MAP2K2: variants seen among roughly 807,000 people sequenced by gnomAD.
MAP2K2 encodes mitogen-activated protein kinase kinase 2, also known as dual specificity mitogen-activated protein kinase kinase 2.
MAP2K2 carries 24 observed loss-of-function variants against 43.7 expected under a neutral mutation model. The observed-to-expected ratio is 0.55, with a 90% confidence interval of 0.40 to 0.77. The LOEUF (loss-of-function observed/expected upper bound fraction) is 0.77, where lower values mean the gene tolerates loss of function less well. MAP2K2 is among the 30% of genes least tolerant of loss of function. The pLI is 0.00. For missense variants in MAP2K2, 470 were observed against 566.8 expected (o/e 0.83, Z 1.73); for synonymous variants, 244 against 239.7 (o/e 1.02, Z -0.17).
At position 4,090,334 on chromosome 19, in the gene MAP2K2, TC is replaced by T. The variant is rs2040842602; in HGVS notation, c.*263del. 3.4e-6 allele frequency: 2 copies of T among 583,116 alleles called. No homozygotes were observed. Among genetic ancestry groups the T allele is most frequent in the Non-Finnish European group, 6.1e-6 (2 of 325,330 alleles). 36.1% of individuals were successfully genotyped at this position (583,116 alleles called of 1,614,324 possible). ...AGGATGGCGCGGTTTGCTTTTTCTC[TC>T]CCTGTTTTGTTTTGTAACCTAAGGA... On this transcript the variant is annotated 3_prime_UTR_variant, in exon 11 of 11. Coordinates refer to ENST00000262948, the MANE Select transcript of MAP2K2 (RefSeq NM_030662.4).
At chr19:4,100,667 T>G in intron 6 of MAP2K2, 2 of 324,704 alleles carry the variant, frequency 6.2e-6, no homozygotes, top group Admixed American at 4.5e-5. Flanking sequence ...GATTAGTAAA[T>G]TAACAAATAA....
In MAP2K2 at chr19:4,117,403, AC is replaced by A. The variant is rs758256765; in HGVS notation, c.303+15del. ...TCCCCACCACTCCCCGACCTCCCCGACCCCGCAGTGCTCACCTTCCTGGCCA... is the reference window on the plus strand; with the variant it reads ...TCCCCACCACTCCCCGACCTCCCCGACCCGCAGTGCTCACCTTCCTGGCCA... On this transcript the variant is annotated intron_variant, in intron 2 of 10. Coordinates refer to ENST00000262948, the MANE Select transcript of MAP2K2 (RefSeq NM_030662.4). 4.4e-6 allele frequency: 7 copies of A among 1,608,212 alleles called. No homozygotes were observed. The Admixed American group carries it at 5.0e-5, about 12-fold the overall frequency.
At position 4,101,793 on chromosome 19, in the gene MAP2K2, A is replaced by G. The variant is rs1273225009; in HGVS notation, c.529-513T>C. On this transcript the variant is annotated intron_variant, in intron 4 of 10. Transcript: ENST00000262948. This position sits in a 1 kb window ranked among gnomAD's most constrained non-coding sequence, Gnocchi z 6.3. Reference sequence around the variant, plus strand: ...GTGTGACGGCAGCTTTCAACTCGGAAACGCGTGTCTGGCAGCATGCGTCCT... The same window carrying G: ...GTGTGACGGCAGCTTTCAACTCGGAGACGCGTGTCTGGCAGCATGCGTCCT... 1.3e-5 allele frequency among the ~76,000 whole-genome samples: 2 copies of G among 152,156 alleles called. No homozygotes were observed. The highest frequency in any genetic ancestry group is 2.9e-5 in the Non-Finnish European group (2 of 68,018).
chr19:4,110,755 G>A (rs2041144601), intron 2 of MAP2K2, 100 bp from the exon 3 acceptor site: 7 of 1,307,124 alleles, frequency 5.4e-6, no homozygotes, highest in Non-Finnish European at 7.4e-6. Context: ...CAGTGGTCAA[G>A]ACCAACTCAG....
At chr19:4,102,323 G>C (rs770226261) in intron 4 of MAP2K2, 53 bp downstream of exon 4, 21 of 1,452,074 alleles carry the variant, frequency 1.4e-5, no homozygotes, top group Non-Finnish European at 1.9e-5. Context: ...CCGTGTGGAA[G>C]AGGTCCGTGC....
chr19:4,099,393 G>T lies in MAP2K2; in HGVS notation c.727C>A (p.His243Asn). Residue 243 changes from histidine (H) to asparagine (N), a missense_variant, in exon 7 of 11, where the codon CAT (histidine) becomes AAT (asparagine). Physicochemically the swap from His to Asn is moderately conservative, Grantham distance 68 (BLOSUM62 1). This residue lies in a region of MAP2K2 where 200 missense variants were observed against 297.9 expected (regional missense o/e 0.67). Coordinates refer to ENST00000262948, the MANE Select transcript of MAP2K2 (RefSeq NM_030662.4). Reference sequence around the variant, plus strand: ...CAGATGTCCGACTGCACCGAGTAATGTGTGCCCTGCAACCGCTCCGGCTGC... The same window carrying T: ...CAGATGTCCGACTGCACCGAGTAATTTGTGCCCTGCAACCGCTCCGGCTGC... The part of the protein sequence containing the change: ...YMAPERLQGT[H>N]YSVQSDIWSM... 1 of 1,610,664 alleles carries T rather than the reference G, an allele frequency of 6.2e-7. No individual in the cohort carries two copies. Among genetic ancestry groups the T allele is most frequent in the South Asian group, 1.1e-5 (1 of 90,680 alleles).
intron 1 of MAP2K2, among the ~76,000 whole-genome samples, chr19:4,121,505 T>C (rs1316292003): frequency 6.7e-6 from 1 of 149,462 alleles, no homozygotes; most frequent in African/African-American, 2.5e-5. Context: ...GACCCCATCC[T>C]GACCCCCTCA....
At chr19:4,096,937 G>A (rs2040926591) in intron 8 of MAP2K2, among the ~76,000 whole-genome samples, 1 of 151,852 alleles carries the variant, frequency 6.6e-6, no homozygotes, top group Non-Finnish European at 1.5e-5. Context: ...CGACACACGT[G>A]GAATTGGTTC....
intron 1 of MAP2K2, among the ~76,000 whole-genome samples, chr19:4,121,131 G>C (rs1038320994): frequency 1.1e-3 from 171 of 151,532 alleles, no homozygotes; most frequent in African/African-American, 3.9e-3. Context: ...ACCAGTGTGT[G>C]CCCCCAACAC....
intron 10 of MAP2K2, among the ~76,000 whole-genome samples, chr19:4,093,096 C>A (rs1000741356): frequency 6.6e-6 from 1 of 152,146 alleles, no homozygotes; most frequent in African/African-American, 2.4e-5. Context: ...GTAATCCCAG[C>A]TACTTAGGAG....
intron 7 of MAP2K2, 58 bp from the exon 8 acceptor site, chr19:4,097,401 G>GA: frequency 7.2e-7 from 1 of 1,384,342 alleles, no homozygotes; most frequent in Non-Finnish European, 1.0e-6. Flanking sequence ...CTTCTGCTGG[G>GA]GGTTGGGCTC....
chr19:4,099,588 C>A (rs542088632), intron 6 of MAP2K2, 174 bp from the exon 7 acceptor site: 10 of 621,524 alleles, frequency 1.6e-5, no homozygotes, highest in Non-Finnish European at 2.3e-5. Context: ...GGCCTCCCTG[C>A]GGCACTTGCT....
In MAP2K2 at chr19:4,090,583, G is replaced by A. The variant is rs1261127818; in HGVS notation, c.*15C>T. On this transcript the variant is annotated 3_prime_UTR_variant, in exon 11 of 11. Transcript: ENST00000262948. ...TGGGCAGGTCACCAGCGGGACGCAG[G>A]GAGCCCGGCCACTGTCACACGGCGG... 20 of 1,546,132 alleles carry A rather than the reference G, an allele frequency of 1.3e-5. No homozygotes were observed. The highest frequency in any genetic ancestry group is 1.7e-5 in the Non-Finnish European group (19 of 1,143,914).
At chr19:4,094,606 G>A (rs2040888903) in intron 9 of MAP2K2, 108 bp from the exon 10 acceptor site, 2 of 1,036,720 alleles carry the variant, frequency 1.9e-6, no homozygotes, top group African/African-American at 3.2e-5. Flanking sequence ...GAGGGGGCCT[G>A]GATCTCTCCG....
intron 2 of MAP2K2, among the ~76,000 whole-genome samples, chr19:4,116,010 G>T (rs934826816): frequency 6.6e-6 from 1 of 152,174 alleles, no homozygotes; most frequent in African/African-American, 2.4e-5. Flanking sequence ...GACTAAGCAC[G>T]GGGGCCGTCA....
rs1001771771 is a variant in MAP2K2 at position 4,101,926 on chromosome 19, T to C, written c.528+450A>G. 2.8e-4 allele frequency among the ~76,000 whole-genome samples: 43 copies of C among 152,184 alleles called. No individual in the cohort carries two copies. The highest frequency in any genetic ancestry group is 9.9e-4 in the African/African-American group (41 of 41,440). ...ACGGTCTGCTGAAACCACACGGCTC[T>C]ACGGAGCAGCTGTGCTGGAGACCGG... On this transcript the variant is annotated intron_variant, in intron 4 of 10. Coordinates refer to ENST00000262948, the MANE Select transcript of MAP2K2 (RefSeq NM_030662.4). The surrounding 1 kb of genome is among the most constrained non-coding windows in gnomAD (Gnocchi z 6.3).
At chr19:4,116,213 T>TC (rs1411355702) in intron 2 of MAP2K2, among the ~76,000 whole-genome samples, 2 of 152,174 alleles carry the variant, frequency 1.3e-5, no homozygotes, top group Non-Finnish European at 2.9e-5. Context: ...TGGGTGAGTC[T>TC]CAGCCAATCA....
At chr19:4,109,127 T>C (rs2041124976) in intron 3 of MAP2K2, among the ~76,000 whole-genome samples, 1 of 152,190 alleles carries the variant, frequency 6.6e-6, no homozygotes, top group Admixed American at 6.5e-5. Context: ...ACCCAAGCAT[T>C]CTGGTTTTGC....
chr19:4,104,699 T>C (rs140658443), intron 3 of MAP2K2: 1 of 152,238 alleles, frequency 6.6e-6, no homozygotes, highest in East Asian at 1.9e-4. Flanking sequence ...CAATCAATGT[T>C]TGTTTAGTGA....
Sources: gnomAD v4.1 joint callset for allele counts (sites outside exome capture counted in the v4.1 genomes callset) on GRCh38, gnomAD v4.1.1 for gene constraint, gnomAD v4.1.1 regional missense constraint, Gnocchi (gnomAD v3.1) non-coding constraint, MANE v1.5 for transcripts, NCBI Gene and HGNC (gene_info 2026-07-23, HGNC 2026-07-21) for gene names.